The following EXOC6B variants were observed in gnomAD, a reference collection of about 807,000 sequenced individuals.
EXOC6B encodes exocyst complex component 6B, also known as SEC15 homolog B.
EXOC6B carries 54 observed loss-of-function variants against 113.5 expected under a neutral mutation model. The ratio of observed to expected loss-of-function variants is 0.48; its 90% CI spans 0.38 to 0.60. The LOEUF is 0.60. Among genes scored for constraint, EXOC6B ranks in the 20% least tolerant of loss-of-function variants. The probability of loss-of-function intolerance (pLI) is 0.00; values close to 1 mark genes in which losing one functional copy is unlikely to be tolerated. For synonymous variants in EXOC6B, 357 were observed against 339.0 expected (o/e 1.05, Z -0.58); for missense variants, 797 against 977.5 (o/e 0.82, Z 2.46).
chr2:72,345,919 C>A (rs1261942401), intron 19 of EXOC6B, among the ~76,000 whole-genome samples: 1 of 152,072 alleles, frequency 6.6e-6, no homozygotes, highest in African/African-American at 2.4e-5. Flanking sequence ...GGAGGCTATA[C>A]ATGTGGTAGA....
intron 15 of EXOC6B, among the ~76,000 whole-genome samples, chr2:72,493,321 C>CT (rs1424314171): frequency 0.076 from 94 of 1,244 alleles, 1 homozygote; most frequent in African/African-American, 0.11. Context: ...TGTTTTTCTC[C>CT]CCCCCCCCCC....
chr2:72,254,803 G>C (rs1683252743), intron 20 of EXOC6B, among the ~76,000 whole-genome samples: 1 of 152,198 alleles, frequency 6.6e-6, no homozygotes, highest in South Asian at 2.1e-4. Context: ...GTACAGTTGA[G>C]TAGAAAGTAG....
At chr2:72,389,420 T>A (rs1247828982) in intron 18 of EXOC6B, among the ~76,000 whole-genome samples, 1 of 152,018 alleles carries the variant, frequency 6.6e-6, no homozygotes, top group Non-Finnish European at 1.5e-5. Context: ...GCTTTTAAAG[T>A]CCATTACATA....
chr2:72,424,564 A>G (rs1695094519), intron 18 of EXOC6B, among the ~76,000 whole-genome samples: 2 of 152,150 alleles, frequency 1.3e-5, no homozygotes, highest in Non-Finnish European at 2.9e-5. Flanking sequence ...AATAGTTTTC[A>G]TTATCAATTC....
intron 12 of EXOC6B, among the ~76,000 whole-genome samples, chr2:72,498,993 G>A (rs1700187074): frequency 6.6e-6 from 1 of 152,000 alleles, no homozygotes; most frequent in African/African-American, 2.4e-5. Flanking sequence ...TAAAGAAACT[G>A]CAAACTAACT....
intron 6 of EXOC6B, among the ~76,000 whole-genome samples, chr2:72,624,742 T>C (rs1671947287): frequency 6.6e-6 from 1 of 152,166 alleles, no homozygotes; most frequent in Non-Finnish European, 1.5e-5. Flanking sequence ...CAAGACCCTG[T>C]TTCTTAAAAA....
At chr2:72,673,208 T>C (rs887734033) in intron 6 of EXOC6B, among the ~76,000 whole-genome samples, 1 of 152,210 alleles carries the variant, frequency 6.6e-6, no homozygotes, top group Non-Finnish European at 1.5e-5. Flanking sequence ...CATTAGTATT[T>C]ACCAAGCCTG....
chr2:72,367,284 A>G (rs1690682747), intron 19 of EXOC6B, among the ~76,000 whole-genome samples: 1 of 152,176 alleles, frequency 6.6e-6, no homozygotes, highest in African/African-American at 2.4e-5. Context: ...AAAATATACA[A>G]CAGAGTCTGA....
chr2:72,607,612 G>C (rs1670831380), intron 6 of EXOC6B, among the ~76,000 whole-genome samples: 1 of 152,096 alleles, frequency 6.6e-6, no homozygotes, highest in Non-Finnish European at 1.5e-5. Flanking sequence ...GCATAGTCCA[G>C]AGTAGAGTCA....
chr2:72,729,180 A>G (rs573990992), intron 5 of EXOC6B, among the ~76,000 whole-genome samples: 4 of 152,272 alleles, frequency 2.6e-5, no homozygotes, highest in Admixed American at 2.6e-4. Context: ...ACAGAATAGA[A>G]GAACATTCAA....
intron 9 of EXOC6B, 134 bp downstream of exon 9, chr2:72,514,909 A>T: frequency 1.2e-6 from 1 of 822,074 alleles, no homozygotes; most frequent in Non-Finnish European, 2.0e-6. Flanking sequence ...TGCAAGTCAC[A>T]TCCACCAAAA....
chr2:72,261,871 CAA>C (rs899666639), intron 20 of EXOC6B, among the ~76,000 whole-genome samples: 36 of 152,310 alleles, frequency 2.4e-4, no homozygotes, highest in African/African-American at 8.7e-4. Flanking sequence ...CGTCCTCCTT[CAA>C]ATGTGGTGCT....
intron 20 of EXOC6B, among the ~76,000 whole-genome samples, chr2:72,265,031 C>G (rs960139721): frequency 1.3e-5 from 2 of 151,678 alleles, no homozygotes; most frequent in African/African-American, 4.8e-5. Context: ...GACTTTGGAA[C>G]TAGGTAACAA....
intron 6 of EXOC6B, among the ~76,000 whole-genome samples, chr2:72,670,550 A>C (rs1184626095): frequency 6.6e-6 from 1 of 152,186 alleles, no homozygotes; most frequent in African/African-American, 2.4e-5. Context: ...AAGTTTGATC[A>C]TGCCCCTCTG....
chr2:72,618,666 G>A (rs527426568), intron 6 of EXOC6B, among the ~76,000 whole-genome samples: 1 of 152,262 alleles, frequency 6.6e-6, no homozygotes, highest in Admixed American at 6.5e-5. Flanking sequence ...GCAATACCAT[G>A]TCTATCAAGG....
chr2:72,504,083 T>C (rs1467894313), intron 11 of EXOC6B, among the ~76,000 whole-genome samples: 1 of 151,876 alleles, frequency 6.6e-6, no homozygotes, highest in Non-Finnish European at 1.5e-5. Flanking sequence ...AATTTTTTAA[T>C]TTTTTTTGTA....
At chr2:72,503,065 T>A (rs1420098923) in intron 11 of EXOC6B, among the ~76,000 whole-genome samples, 1 of 152,192 alleles carries the variant, frequency 6.6e-6, no homozygotes, top group Non-Finnish European at 1.5e-5. Flanking sequence ...CCATCATTTT[T>A]CCCCTGTTAT....
intron 1 of EXOC6B, among the ~76,000 whole-genome samples, chr2:72,802,958 C>T (rs967142307): frequency 2.6e-5 from 4 of 152,110 alleles, no homozygotes; most frequent in African/African-American, 9.7e-5. Context: ...TGATACACTC[C>T]GGTTTGAAAA....
At chr2:72,530,475 T>C (rs1403500690) in intron 8 of EXOC6B, among the ~76,000 whole-genome samples, 1 of 152,156 alleles carries the variant, frequency 6.6e-6, no homozygotes, top group Non-Finnish European at 1.5e-5. Flanking sequence ...GATTTCAAAA[T>C]TTGTTGAGGT....
Sources: gnomAD v4.1 joint callset for allele counts (sites outside exome capture counted in the v4.1 genomes callset) on GRCh38, gnomAD v4.1.1 for gene constraint, MANE v1.5 for transcripts, NCBI Gene and HGNC (gene_info 2026-07-23, HGNC 2026-07-21) for gene names.